CHRM3: variants seen among roughly 807,000 people sequenced by gnomAD.
CHRM3 encodes cholinergic receptor muscarinic 3.
CHRM3 carries 11 observed loss-of-function variants against 41.8 expected under a neutral mutation model. That is an observed-to-expected ratio of 0.26 (90% CI 0.17 to 0.44). The LOEUF (loss-of-function observed/expected upper bound fraction) is 0.44, where lower values mean the gene tolerates loss of function less well. CHRM3 is among the 20% of genes least tolerant of loss of function. The probability of loss-of-function intolerance (pLI) is 1.00; values close to 1 mark genes in which losing one functional copy is unlikely to be tolerated. For missense variants in CHRM3, 571 were observed against 745.4 expected, an observed-to-expected ratio of 0.77 and a Z score of 2.72; for synonymous variants, 297 against 301.4, an observed-to-expected ratio of 0.99 and a Z score of 0.15.
At chr1:239,809,843 T>C (rs989474053) in intron 5 of CHRM3, among the ~76,000 whole-genome samples, 2 of 152,128 alleles carry the variant, frequency 1.3e-5, no homozygotes, top group Non-Finnish European at 2.9e-5. Flanking sequence ...TCTCCTTTTG[T>C]CCTTTCCACT....
At chr1:239,589,512 T>C (rs2148628071) in intron 3 of CHRM3, among the ~76,000 whole-genome samples, 1 of 150,114 alleles carries the variant, frequency 6.7e-6, no homozygotes, top group South Asian at 2.1e-4. Flanking sequence ...TTCATGCATA[T>C]GTATAAAACT....
chr1:239,823,820 C>T (rs376259157), intron 5 of CHRM3, among the ~76,000 whole-genome samples: 3 of 151,840 alleles, frequency 2.0e-5, no homozygotes, highest in East Asian at 3.9e-4. Context: ...AAATAGTTTT[C>T]CAAAAGGAAT....
intron 4 of CHRM3, among the ~76,000 whole-genome samples, chr1:239,668,089 C>CTTTTTTTTTTTTTTTTTTTTT (rs1221135009): frequency 1.3e-5 from 1 of 75,598 alleles, no homozygotes; most frequent in African/African-American, 5.3e-5. Context: ...TTTCCCCTTT[C>CTTTTTTTTTTTTTTTTTTTTT]TTTTTTTTTT....
At chr1:239,479,043 G>A (rs947461692) in intron 1 of CHRM3, among the ~76,000 whole-genome samples, 6 of 152,108 alleles carry the variant, frequency 3.9e-5, no homozygotes, top group African/African-American at 1.4e-4. Context: ...AATTAGCCAG[G>A]TGTGTTGGCT....
intron 6 of CHRM3, among the ~76,000 whole-genome samples, chr1:239,842,689 C>A (rs1673916083): frequency 1.3e-5 from 2 of 152,162 alleles, no homozygotes; most frequent in African/African-American, 4.8e-5. Flanking sequence ...ATCATAAAAT[C>A]TCCAAGTTAG....
At chr1:239,476,463 C>CAAA (rs71567246) in intron 1 of CHRM3, among the ~76,000 whole-genome samples, 4 of 117,694 alleles carry the variant, frequency 3.4e-5, no homozygotes, top group Non-Finnish European at 3.5e-5. Flanking sequence ...AGACTCCATC[C>CAAA]AAAAAAAAAA....
chr1:239,617,367 A>G (rs1667748826), intron 3 of CHRM3, among the ~76,000 whole-genome samples: 1 of 152,052 alleles, frequency 6.6e-6, no homozygotes, highest in African/African-American at 2.4e-5. Flanking sequence ...TCTAAACCCT[A>G]TCATCTTAGT....
At chr1:239,799,360 A>G (rs1670030419) in intron 5 of CHRM3, among the ~76,000 whole-genome samples, 1 of 152,180 alleles carries the variant, frequency 6.6e-6, no homozygotes, top group African/African-American at 2.4e-5. Flanking sequence ...AAAAGGACCA[A>G]TGCATCATAA....
chr1:239,570,668 G>A (rs745540300), intron 3 of CHRM3, among the ~76,000 whole-genome samples: 20 of 152,102 alleles, frequency 1.3e-4, no homozygotes, highest in Non-Finnish European at 2.5e-4. Flanking sequence ...ACTGACAGCC[G>A]AGAGTGCTTT....
At chr1:239,617,991 A>T (rs1667814868) in intron 3 of CHRM3, among the ~76,000 whole-genome samples, 1 of 152,030 alleles carries the variant, frequency 6.6e-6, no homozygotes, top group Non-Finnish European at 1.5e-5. Flanking sequence ...CCTGTATCTT[A>T]GCAGCATTCA....
At chr1:239,753,936 CAG>C (rs1269612628) in intron 5 of CHRM3, among the ~76,000 whole-genome samples, 1 of 152,108 alleles carries the variant, frequency 6.6e-6, no homozygotes, top group Non-Finnish European at 1.5e-5. Context: ...TCATGTGTGA[CAG>C]AGCTCATTTC....
chr1:239,445,075 T>C (rs1051212075), intron 1 of CHRM3, among the ~76,000 whole-genome samples: 8 of 152,216 alleles, frequency 5.3e-5, no homozygotes, highest in Non-Finnish European at 8.8e-5. Context: ...TAATGAATGA[T>C]AATCCAATTG....
chr1:239,499,739 C>T (rs1364061313), intron 2 of CHRM3, among the ~76,000 whole-genome samples: 1 of 152,000 alleles, frequency 6.6e-6, no homozygotes, highest in Non-Finnish European at 1.5e-5. Flanking sequence ...ACCAGGTAAC[C>T]TATAAAGGAA....
At chr1:239,736,837 A>G (rs1359596667) in intron 5 of CHRM3, among the ~76,000 whole-genome samples, 4 of 152,190 alleles carry the variant, frequency 2.6e-5, no homozygotes, top group Non-Finnish European at 4.4e-5. Flanking sequence ...AATGGCTGCA[A>G]CTTAAAATAT....
intron 1 of CHRM3, among the ~76,000 whole-genome samples, chr1:239,418,389 T>C (rs1661673647): frequency 6.6e-6 from 1 of 152,160 alleles, no homozygotes; most frequent in African/African-American, 2.4e-5. Context: ...AAACCAAAGA[T>C]TTCTGAGGTT....
intron 4 of CHRM3, among the ~76,000 whole-genome samples, chr1:239,643,978 A>T (rs1488894058): frequency 6.6e-6 from 1 of 152,254 alleles, no homozygotes; most frequent in African/African-American, 2.4e-5. Flanking sequence ...TAGAAAATGT[A>T]AAAACCTATT....
chr1:239,509,365 C>T (rs1668777345), intron 2 of CHRM3, among the ~76,000 whole-genome samples: 1 of 151,988 alleles, frequency 6.6e-6, no homozygotes, highest in African/African-American at 2.4e-5. Flanking sequence ...TGAGAATAAC[C>T]AATAATATGC....
chr1:239,780,414 G>C (rs575815976), intron 5 of CHRM3, among the ~76,000 whole-genome samples: 1 of 152,264 alleles, frequency 6.6e-6, no homozygotes, highest in South Asian at 2.1e-4. Context: ...TTTGCCAACT[G>C]TATATCCTCT....
At chr1:239,870,526 C>T (rs1463926630) in intron 6 of CHRM3, among the ~76,000 whole-genome samples, 5 of 152,200 alleles carry the variant, frequency 3.3e-5, no homozygotes, top group African/African-American at 9.7e-5. Context: ...CAAGGTGGCT[C>T]AGTCTCACAG....
Sources: allele counts gnomAD v4.1 joint callset (sites outside exome capture counted in the v4.1 genomes callset), GRCh38; gene constraint gnomAD v4.1.1; transcripts MANE v1.5; gene names NCBI Gene and HGNC (gene_info 2026-07-23, HGNC 2026-07-21).